Variants in RHOBTB1 observed in about 807,000 individuals in gnomAD.
RHOBTB1 encodes the protein Rho related BTB domain containing 1.
A neutral mutation model predicts 71.6 loss-of-function variants in RHOBTB1; 40 were observed. The ratio of observed to expected loss-of-function variants is 0.56; its 90% CI spans 0.43 to 0.73. RHOBTB1 has a LOEUF of 0.73. Among genes scored for constraint, RHOBTB1 ranks in the 30% least tolerant of loss-of-function variants. The probability of loss-of-function intolerance (pLI) is 0.00; values close to 1 mark genes in which losing one functional copy is unlikely to be tolerated. For missense variants in RHOBTB1, 797 were observed against 894.0 expected (o/e 0.89, Z 1.38); for synonymous variants, 319 against 334.9 (o/e 0.95, Z 0.52).
chr10:60,988,880 C>G (rs1442755516), intron 1 of RHOBTB1, among the ~76,000 whole-genome samples: 1 of 152,140 alleles, frequency 6.6e-6, no homozygotes, highest in Non-Finnish European at 1.5e-5. Context: ...TTGTACCCTT[C>G]CTATGAAAGT....
intron 4 of RHOBTB1, among the ~76,000 whole-genome samples, chr10:60,900,944 T>G (rs1425513307): frequency 6.6e-6 from 1 of 152,172 alleles, no homozygotes; most frequent in African/African-American, 2.4e-5. Flanking sequence ...AACATCAGAA[T>G]AATAATGCAT....
chr10:60,876,954 A>G (rs2081079002), intron 8 of RHOBTB1, among the ~76,000 whole-genome samples: 1 of 152,238 alleles, frequency 6.6e-6, no homozygotes, highest in South Asian at 2.1e-4. Flanking sequence ...ATATTTATCG[A>G]AAGCTAATAT....
intron 2 of RHOBTB1, among the ~76,000 whole-genome samples, chr10:60,982,142 G>T (rs2086517292): frequency 6.6e-6 from 1 of 152,182 alleles, no homozygotes; most frequent in Non-Finnish European, 1.5e-5. Context: ...TACTTTCTGA[G>T]AAATTAAATG....
chr10:60,907,508 T>C (rs867364430), intron 4 of RHOBTB1, among the ~76,000 whole-genome samples: 1 of 151,952 alleles, frequency 6.6e-6, no homozygotes, highest in South Asian at 2.1e-4. Context: ...ATAAAGTAGG[T>C]GGTGGAAAAA....
Position 60,930,087 on chromosome 10 carries a change from A to C in RHOBTB1, c.-11+11717T>G, listed in dbSNP as rs34290477. Among the ~76,000 whole-genome samples the C allele has an allele frequency of 6.6e-3, 1,009 of 152,340 alleles. 4 individuals carry two copies. Among genetic ancestry groups the C allele is most frequent in the Non-Finnish European group, 0.01 (682 of 68,022 alleles). On this transcript the variant is annotated intron_variant, in intron 2 of 10. Coordinates refer to ENST00000337910, the MANE Select transcript of RHOBTB1 (RefSeq NM_014836.5). ...AAAAAAATCTCAACCCTTGGAAATT[A>C]AGAAAATACTTTCTAATATATCCAT...
chr10:60,894,453 A>G (rs563230307), intron 4 of RHOBTB1, among the ~76,000 whole-genome samples: 1 of 152,344 alleles, frequency 6.6e-6, no homozygotes, highest in African/African-American at 2.4e-5. Context: ...GCATAAATAT[A>G]TAAATGAAAA....
chr10:60,894,750 T>C (rs1188860943), intron 4 of RHOBTB1, among the ~76,000 whole-genome samples: 2 of 152,172 alleles, frequency 1.3e-5, no homozygotes, highest in Non-Finnish European at 2.9e-5. Context: ...CAAAAAGAAT[T>C]GAGGAAATAT....
chr10:60,973,207 C>G (rs1262743824), intron 2 of RHOBTB1, among the ~76,000 whole-genome samples: 3 of 151,944 alleles, frequency 2.0e-5, no homozygotes, highest in Non-Finnish European at 2.9e-5. Context: ...TTTCCTCTAT[C>G]AAAAGGTTCT....
intron 2 of RHOBTB1, among the ~76,000 whole-genome samples, chr10:60,915,321 T>C (rs60928572): frequency 0.045 from 6,923 of 152,206 alleles, 269 homozygotes; most frequent in African/African-American, 0.099. Flanking sequence ...TTACGTAGAA[T>C]GAGAGTAATA....
chr10:60,998,489 G>A (rs949142355), intron 1 of RHOBTB1, among the ~76,000 whole-genome samples: 2 of 152,134 alleles, frequency 1.3e-5, no homozygotes, highest in East Asian at 1.9e-4. Flanking sequence ...AAGAGACTTC[G>A]GTTTGTAATC....
chr10:60,994,509 T>C (rs371315529), intron 1 of RHOBTB1, among the ~76,000 whole-genome samples: 68 of 152,208 alleles, frequency 4.5e-4, no homozygotes, highest in African/African-American at 1.6e-3. Flanking sequence ...AAAATACAAA[T>C]GGTAGATCTC....
intron 1 of RHOBTB1, among the ~76,000 whole-genome samples, chr10:60,988,708 A>G (rs903365627): frequency 6.6e-6 from 1 of 152,114 alleles, no homozygotes; most frequent in African/African-American, 2.4e-5. Flanking sequence ...TCCACCACTG[A>G]TGGGCACCTA....
chr10:60,999,609 A>G (rs911548841), intron 1 of RHOBTB1, among the ~76,000 whole-genome samples: 1 of 152,256 alleles, frequency 6.6e-6, no homozygotes, highest in South Asian at 2.1e-4. Flanking sequence ...AGGAATCAAT[A>G]ATTAATCCAA....
At chr10:60,974,892 A>C (rs984491133) in intron 2 of RHOBTB1, among the ~76,000 whole-genome samples, 3 of 152,026 alleles carry the variant, frequency 2.0e-5, no homozygotes, top group Non-Finnish European at 4.4e-5. Flanking sequence ...TCGTGATGGC[A>C]TGTATGGGGA....
intron 7 of RHOBTB1, among the ~76,000 whole-genome samples, chr10:60,885,785 G>T (rs2081540314): frequency 6.6e-6 from 1 of 152,248 alleles, no homozygotes; most frequent in East Asian, 1.9e-4. Flanking sequence ...GGTGACATTT[G>T]CCAAGAGGTA....
intron 9 of RHOBTB1, among the ~76,000 whole-genome samples, chr10:60,872,535 G>A (rs905256938): frequency 3.3e-5 from 5 of 152,078 alleles, no homozygotes; most frequent in Admixed American, 6.6e-5. Context: ...ATCGAATCAC[G>A]AGCTTAAAGT....
intron 9 of RHOBTB1, 79 bp downstream of exon 9, chr10:60,874,875 T>C (rs952351686): frequency 1.0e-6 from 1 of 983,274 alleles, no homozygotes. Context: ...TTTAGACAGA[T>C]GCAACAATGG....
At chr10:60,991,029 C>A (rs995855553) in intron 1 of RHOBTB1, among the ~76,000 whole-genome samples, 1 of 152,148 alleles carries the variant, frequency 6.6e-6, no homozygotes, top group African/African-American at 2.4e-5. Context: ...CAGAAGGTGG[C>A]CTGTCAATTT....
chr10:60,932,006 A>T (rs776637835), intron 2 of RHOBTB1, among the ~76,000 whole-genome samples: 6 of 152,170 alleles, frequency 3.9e-5, no homozygotes, highest in Non-Finnish European at 8.8e-5. Flanking sequence ...TGTGGCAATC[A>T]ATTGTAGTTA....
Sources: gnomAD v4.1 joint callset for allele counts (sites outside exome capture counted in the v4.1 genomes callset) on GRCh38, gnomAD v4.1.1 for gene constraint, MANE v1.5 for transcripts, NCBI Gene and HGNC (gene_info 2026-07-23, HGNC 2026-07-21) for gene names.